SUCLG2: variants seen among roughly 807,000 people sequenced by gnomAD.
SUCLG2 encodes succinate--CoA ligase [GDP-forming] subunit beta, mitochondrial.
Under a neutral mutation model 47.9 loss-of-function variants are expected in SUCLG2, and 42 were observed. The observed-to-expected ratio is 0.88, with a 90% CI of 0.69 to 1.14. The LOEUF (loss-of-function observed/expected upper bound fraction) is 1.14. SUCLG2 is among the 50% of genes most tolerant of loss of function. The pLI is 0.00. For missense variants in SUCLG2, 571 were observed against 525.9 expected (o/e 1.09, Z -0.84); for synonymous variants, 195 against 197.3 (o/e 0.99, Z 0.10).
intron 1 of SUCLG2, 135 bp downstream of exon 1, chr3:67,654,368 G>C: frequency 1.5e-6 from 1 of 651,798 alleles, no homozygotes; most frequent in Non-Finnish European, 2.2e-6. Context: ...ACCCGGCGCC[G>C]CGTCACCTCC....
At chr3:67,391,702 C>CAG (rs372118093) in intron 10 of SUCLG2, among the ~76,000 whole-genome samples, 447 of 152,180 alleles carry the variant, frequency 2.9e-3, no homozygotes, top group African/African-American at 0.01. Flanking sequence ...ACATTGAGAA[C>CAG]GGGCCCTTAG....
At chr3:67,564,322 CT>C (rs766843539) in intron 2 of SUCLG2, among the ~76,000 whole-genome samples, 24 of 152,300 alleles carry the variant, frequency 1.6e-4, no homozygotes, top group Admixed American at 4.6e-4. Flanking sequence ...CCCCCCTCCC[CT>C]CGCTATTAAT....
chr3:67,403,658 G>C (rs1702739741), intron 9 of SUCLG2, among the ~76,000 whole-genome samples: 1 of 152,132 alleles, frequency 6.6e-6, no homozygotes, highest in African/African-American at 2.4e-5. Flanking sequence ...TGACATGACA[G>C]AGGATTTTTG....
chr3:67,529,229 T>G (rs755778612), intron 2 of SUCLG2, 43 bp from the exon 3 acceptor site: 5 of 1,519,868 alleles, frequency 3.3e-6, no homozygotes, highest in Non-Finnish European at 4.5e-6. Context: ...TTTTAAATTC[T>G]TTTTTTGTTT....
At chr3:67,606,341 C>T (rs1487780394) in intron 2 of SUCLG2, among the ~76,000 whole-genome samples, 4 of 152,172 alleles carry the variant, frequency 2.6e-5, no homozygotes, top group African/African-American at 9.7e-5. Context: ...CCAGGAATAT[C>T]TCAAAGAGAT....
intron 9 of SUCLG2, among the ~76,000 whole-genome samples, chr3:67,422,181 A>G (rs1302195867): frequency 2.0e-5 from 3 of 151,446 alleles, no homozygotes; most frequent in African/African-American, 7.4e-5. Flanking sequence ...AGTTTAAAAA[A>G]AGAACATTCA....
chr3:67,460,466 A>T (rs192649258), intron 9 of SUCLG2, among the ~76,000 whole-genome samples: 1 of 152,292 alleles, frequency 6.6e-6, no homozygotes, highest in African/African-American at 2.4e-5. Context: ...CCATTTTATG[A>T]AGACATGGAC....
chr3:67,491,376 TTTTTC>T (rs1183925267), intron 9 of SUCLG2, among the ~76,000 whole-genome samples: 5 of 147,536 alleles, frequency 3.4e-5, no homozygotes, highest in African/African-American at 1.0e-4. Flanking sequence ...TTTTTTTTTT[TTTTTC>T]CAGACGAAGT....
At chr3:67,367,580 C>T (rs1701893203) in intron 10 of SUCLG2, among the ~76,000 whole-genome samples, 1 of 152,126 alleles carries the variant, frequency 6.6e-6, no homozygotes, top group Admixed American at 6.5e-5. Context: ...ACTATTGACA[C>T]TTTGGGTTGA....
chr3:67,612,202 T>C (rs1263588027), intron 1 of SUCLG2, among the ~76,000 whole-genome samples: 1 of 151,772 alleles, frequency 6.6e-6, no homozygotes, highest in Non-Finnish European at 1.5e-5. Context: ...CTACAGAAAG[T>C]GAAAACATTA....
At chr3:67,612,143 G>T in intron 1 of SUCLG2, among the ~76,000 whole-genome samples, 1 of 152,270 alleles carries the variant, frequency 6.6e-6, no homozygotes, top group Admixed American at 6.5e-5. Context: ...AGGATTGCTT[G>T]AGCCCAGTAG....
intron 10 of SUCLG2, among the ~76,000 whole-genome samples, chr3:67,399,846 T>C (rs1246405001): frequency 1.3e-5 from 2 of 152,192 alleles, no homozygotes; most frequent in Admixed American, 6.5e-5. Flanking sequence ...ACTTTTAGTG[T>C]AGTACCAAAG....
Position 67,521,615 on chromosome 3 carries a change from T to A in SUCLG2, c.418-981A>T, listed in dbSNP as rs537224345. On this transcript the variant is annotated intron_variant, in intron 4 of 10. Transcript: ENST00000307227. ...TCTTTTTTTTAATCTTTTTTTTTTT[T>A]AAAAAAAGACAGAGTCTCACTCTGT... 2.2e-3 allele frequency among the ~76,000 whole-genome samples: 327 copies of A among 148,776 alleles called. 1 individual carries two copies. Among genetic ancestry groups the A allele is most frequent in the Middle Eastern group, 0.011 (3 of 280 alleles).
chr3:67,480,221 G>C (rs1418984284), intron 9 of SUCLG2, among the ~76,000 whole-genome samples: 1 of 152,180 alleles, frequency 6.6e-6, no homozygotes, highest in African/African-American at 2.4e-5. Flanking sequence ...AATTTAAGGG[G>C]TTAAAGGGAA....
intron 9 of SUCLG2, among the ~76,000 whole-genome samples, chr3:67,491,034 T>C (rs1705187919): frequency 6.6e-6 from 1 of 152,120 alleles, no homozygotes; most frequent in South Asian, 2.1e-4. Context: ...AGAAATTACC[T>C]TTGAGGGCCG....
At chr3:67,509,411 ATAGTG>A in intron 6 of SUCLG2, among the ~76,000 whole-genome samples, 1 of 142,842 alleles carries the variant, frequency 7.0e-6, no homozygotes, top group African/African-American at 2.6e-5. Context: ...AAAGTGCTTA[ATAGTG>A]TAGTTACTGA....
At chr3:67,492,915 T>C (rs932054627) in intron 9 of SUCLG2, among the ~76,000 whole-genome samples, 9 of 152,220 alleles carry the variant, frequency 5.9e-5, no homozygotes, top group Non-Finnish European at 1.3e-4. Flanking sequence ...CCTGTAATAA[T>C]TTTATTGAAT....
At chr3:67,479,725 T>A (rs775632321) in intron 9 of SUCLG2, among the ~76,000 whole-genome samples, 2 of 152,194 alleles carry the variant, frequency 1.3e-5, no homozygotes, top group Admixed American at 6.5e-5. Flanking sequence ...GGGACAAAAA[T>A]GAATTAGATC....
chr3:67,521,877 C>A (rs985573802), intron 4 of SUCLG2, among the ~76,000 whole-genome samples: 1 of 152,022 alleles, frequency 6.6e-6, no homozygotes, highest in Admixed American at 6.5e-5. Flanking sequence ...CCTCAGCCTA[C>A]CAAACTGCTG....
Sources: allele counts gnomAD v4.1 joint callset (sites outside exome capture counted in the v4.1 genomes callset), GRCh38; gene constraint gnomAD v4.1.1; transcripts MANE v1.5; gene names NCBI Gene and HGNC (gene_info 2026-07-23, HGNC 2026-07-21).